Variants in PIP4P2 observed in about 807,000 individuals in gnomAD.
The protein encoded by PIP4P2 is phosphatidylinositol-4,5-bisphosphate 4-phosphatase 2.
A neutral mutation model predicts 33.3 loss-of-function variants in PIP4P2; 19 were observed. That is an observed-to-expected ratio of 0.57 (90% confidence interval 0.40 to 0.84). PIP4P2 has a LOEUF of 0.84. Among genes scored for constraint, PIP4P2 ranks in the 40% least tolerant of loss-of-function variants. The pLI is 0.00. For missense variants in PIP4P2, 270 were observed against 324.7 expected, an observed-to-expected ratio of 0.83 and a Z score of 1.29; for synonymous variants, 110 against 111.9, an observed-to-expected ratio of 0.98 and a Z score of 0.11.
At chr8:91,022,692 A>C (rs774002318) in intron 1 of PIP4P2, among the ~76,000 whole-genome samples, 1 of 152,226 alleles carries the variant, frequency 6.6e-6, no homozygotes, top group Admixed American at 6.5e-5. Flanking sequence ...TGATATTTTA[A>C]AAAGAATTAG....
In PIP4P2 at chr8:91,018,506, T is replaced by A; in HGVS notation, c.370A>T (p.Ile124Leu). The A allele has an allele frequency of 6.2e-7, 1 of 1,613,192 alleles. No individual in the cohort carries two copies. The highest frequency in any genetic ancestry group is 8.5e-7 in the Non-Finnish European group (1 of 1,179,746). ...AGCATTACTGGGCCAAGGTTAATTATCCGTCTACTGTGAAAAGAGAAAGGA... is the reference window on the plus strand; with the variant it reads ...AGCATTACTGGGCCAAGGTTAATTAACCGTCTACTGTGAAAAGAGAAAGGA... ...IGCPRPNCRR[I>L]INLGPVMLIS... Residue 124 changes from isoleucine (I) to leucine (L), a missense_variant, in exon 4 of 7, where the codon ATA becomes TTA. Transcript: ENST00000285419.
intron 5 of PIP4P2, among the ~76,000 whole-genome samples, chr8:90,999,161 G>T (rs1458180357): frequency 6.6e-6 from 1 of 151,836 alleles, no homozygotes; most frequent in South Asian, 2.1e-4. Flanking sequence ...TCTATGAAAA[G>T]AAGCTCAACA....
intron 6 of PIP4P2, 84 bp downstream of exon 6, chr8:90,996,570 T>A: frequency 8.9e-7 from 1 of 1,126,628 alleles, no homozygotes; most frequent in East Asian, 2.8e-5. Context: ...TCTTCAGGAA[T>A]CCCTGAAGGT....
chr8:91,028,888 G>T (rs1361616090), intron 1 of PIP4P2, among the ~76,000 whole-genome samples: 1 of 152,196 alleles, frequency 6.6e-6, no homozygotes, highest in Admixed American at 6.5e-5. Context: ...AGAGTCTTTA[G>T]AATCAATATT....
chr8:91,040,214 G>A (rs1304937581), intron 1 of PIP4P2, among the ~76,000 whole-genome samples: 4 of 152,194 alleles, frequency 2.6e-5, no homozygotes, highest in Non-Finnish European at 5.9e-5. Context: ...CAGATGCCAA[G>A]GTGAGCAATA....
In PIP4P2 at chr8:90,995,090, A is replaced by G. The variant is rs1327482921; in HGVS notation, c.*587T>C. On this transcript the variant is annotated 3_prime_UTR_variant, in exon 7 of 7. Coordinates refer to ENST00000285419, the MANE Select transcript of PIP4P2 (RefSeq NM_018710.3). ...TACCAAAATATTTTATCTTTCTACA[A>G]ACAACAAAAAACAAGCAAACAGTAT... The G allele has an allele frequency of 6.6e-6, 1 of 152,518 alleles. No homozygotes were observed. The highest frequency in any genetic ancestry group is 1.5e-5 in the Non-Finnish European group (1 of 67,954). 9.4% of individuals were successfully genotyped at this position (152,518 alleles called of 1,614,324 possible). A position where few individuals can be genotyped will look rare whatever the true frequency, so the allele number is the denominator to read the frequency against.
In PIP4P2 at chr8:91,008,779, A is replaced by T. The variant is rs756365947; in HGVS notation, c.503T>A (p.Phe168Tyr). 8 of 1,608,252 alleles carry T rather than the reference A, an allele frequency of 5.0e-6. No homozygotes were observed. In the African/African-American group the frequency reaches 8.0e-5, roughly 16 times the overall value. ...GNTFLWMELR[F>Y]NTLAKCPHCK... ...GTGTGGGCATTTTGCCAGAGTGTTG[A>T]ACCTCAGTTCCATCCACTGTAAAAT... Residue 168 changes from phenylalanine (F) to tyrosine (Y), a missense_variant, in exon 5 of 7, where the codon TTC (phenylalanine) becomes TAC (tyrosine). Transcript: ENST00000285419.
chr8:90,995,530 T>C lies in PIP4P2; in HGVS notation c.*147A>G. ...TGCATATAATATAGTGCAATGAGCA[T>C]TTGTTCATAAAAGACTCCCAAAGTC... On this transcript the variant is annotated 3_prime_UTR_variant, in exon 7 of 7. Coordinates refer to ENST00000285419, the MANE Select transcript of PIP4P2 (RefSeq NM_018710.3). 2.1e-6 allele frequency: 2 copies of C among 970,970 alleles called. No individual in the cohort carries two copies. The highest frequency in any genetic ancestry group is 2.8e-5 in the South Asian group (1 of 35,432). The allele number at this position is 970,970 out of a possible 1,614,324, so 60.1% of individuals were successfully genotyped here. A position where few individuals can be genotyped will look rare whatever the true frequency, so the allele number is the denominator to read the frequency against.
chr8:91,004,009 A>AGATAGATAGATG lies in PIP4P2; in HGVS notation c.539+4733_539+4734insCATCTATCTATC, dbSNP rs1404253990. Among the ~76,000 whole-genome samples, 8 of 146,380 alleles carry AGATAGATAGATG rather than the reference A, an allele frequency of 5.5e-5. No homozygotes were observed. In the South Asian group the frequency reaches 1.1e-3, roughly 20 times the overall value. ...TAGATAGATAGATAGATAGATAGAT[A>AGATAGATAGATG]GATGAAATAGATAAGAGGCAATTTA... On this transcript the variant is annotated intron_variant, in intron 5 of 6. Transcript: ENST00000285419.
Position 91,030,233 on chromosome 8 carries a change from T to G in PIP4P2, c.107-8829A>C, listed in dbSNP as rs1031510786. Among the ~76,000 whole-genome samples, 13 of 142,110 alleles carry G rather than the reference T, an allele frequency of 9.1e-5. No individual in the cohort carries two copies. The East Asian group carries it at 2.2e-3, about 24-fold the overall frequency. 93.2% of individuals were successfully genotyped at this position (142,110 alleles called of 152,430 possible). A position where few individuals can be genotyped will look rare whatever the true frequency, so the allele number is the denominator to read the frequency against. ...CATCTCAAAAAAAAAAAAAAAAAAG[T>G]AGATCTCATTTGGAAAAGACTATAA... On this transcript the variant is annotated intron_variant, in intron 1 of 6. Transcript: ENST00000285419.
At chr8:91,013,460 A>T (rs1041630100) in intron 4 of PIP4P2, among the ~76,000 whole-genome samples, 1 of 152,192 alleles carries the variant, frequency 6.6e-6, no homozygotes, top group Non-Finnish European at 1.5e-5. Flanking sequence ...TGCTTTATAT[A>T]TTTAATTTAG....
intron 5 of PIP4P2, among the ~76,000 whole-genome samples, chr8:91,005,434 C>G (rs1001087317): frequency 1.3e-5 from 2 of 152,162 alleles, no homozygotes; most frequent in African/African-American, 4.8e-5. Flanking sequence ...AAAACCTTCA[C>G]TCAAGATCCC....
chr8:91,006,780 C>T (rs936771809), intron 5 of PIP4P2, among the ~76,000 whole-genome samples: 1 of 152,058 alleles, frequency 6.6e-6, no homozygotes, highest in Non-Finnish European at 1.5e-5. Flanking sequence ...ACCAGCCTGG[C>T]CAAAATGGTG....
chr8:91,024,312 C>T (rs1387809208), intron 1 of PIP4P2: 2 of 441,024 alleles, frequency 4.5e-6, no homozygotes, highest in Non-Finnish European at 9.2e-6. Flanking sequence ...TTACTTGTAG[C>T]TCCATCTCCT....
chr8:91,004,109 G>T (rs1811737279), intron 5 of PIP4P2, among the ~76,000 whole-genome samples: 1 of 152,134 alleles, frequency 6.6e-6, no homozygotes, highest in East Asian at 1.9e-4. Flanking sequence ...TCCCTGGACT[G>T]TTGGCAGTGT....
At chr8:91,020,018 C>CA (rs1478786900) in intron 3 of PIP4P2, 139 bp downstream of exon 3, 3 of 770,026 alleles carry the variant, frequency 3.9e-6, no homozygotes, top group Non-Finnish European at 6.2e-6. Flanking sequence ...ATTCCTTTAA[C>CA]AAAAAAATAA....
intron 1 of PIP4P2, among the ~76,000 whole-genome samples, chr8:91,037,538 C>T (rs1407522677): frequency 9.9e-5 from 15 of 152,142 alleles, no homozygotes; most frequent in Admixed American, 9.8e-4. Flanking sequence ...TTGCATTTTG[C>T]ATCTGTTTGT....
chr8:91,027,218 T>C (rs568000899), intron 1 of PIP4P2, among the ~76,000 whole-genome samples: 11 of 152,328 alleles, frequency 7.2e-5, no homozygotes, highest in African/African-American at 2.4e-4. Context: ...AGTTGGGGCA[T>C]TGATTGCAAA....
chr8:91,032,972 T>A (rs985273583), intron 1 of PIP4P2, among the ~76,000 whole-genome samples: 5 of 152,094 alleles, frequency 3.3e-5, no homozygotes, highest in Non-Finnish European at 5.9e-5. Context: ...TCTATATCCA[T>A]CTAGCTAACA....
Sources: gnomAD v4.1 joint callset for allele counts (sites outside exome capture counted in the v4.1 genomes callset) on GRCh38, gnomAD v4.1.1 for gene constraint, MANE v1.5 for transcripts, NCBI Gene and HGNC (gene_info 2026-07-23, HGNC 2026-07-21) for gene names.